DRC11: variants seen among roughly 807,000 people sequenced by gnomAD.
DRC11 encodes dynein regulatory complex subunit 11.
the DRC11 span, among the ~76,000 whole-genome samples, chr2:236,491,801 G>C: frequency 6.6e-6 from 1 of 152,152 alleles, no homozygotes; most frequent in African/African-American, 2.4e-5. Context: ...AGGGCCAGTA[G>C]CTGGGAGCAG....
the DRC11 span, among the ~76,000 whole-genome samples, chr2:236,425,048 T>C: frequency 6.6e-6 from 1 of 152,024 alleles, no homozygotes; most frequent in Non-Finnish European, 1.5e-5. Context: ...TACATTATGT[T>C]TATCCGTTCA....
chr2:236,333,320 C>T, the DRC11 span: 4 of 152,338 alleles, frequency 2.6e-5, no homozygotes, highest in South Asian at 2.1e-4. This position sits in a 1 kb window ranked among gnomAD's most constrained non-coding sequence, Gnocchi z 6.0. Context: ...GGATGGCAGC[C>T]GGTGAAGATT....
the DRC11 span, among the ~76,000 whole-genome samples, chr2:236,442,281 C>G: frequency 2.6e-5 from 4 of 152,044 alleles, no homozygotes; most frequent in Admixed American, 2.0e-4. Flanking sequence ...CTTTTCAAGT[C>G]TCTTTTGTGT....
the DRC11 span, among the ~76,000 whole-genome samples, chr2:236,378,620 A>G: frequency 6.6e-6 from 1 of 150,744 alleles, no homozygotes; most frequent in Non-Finnish European, 1.5e-5. Context: ...GGTTGCAGTG[A>G]GCTGAGATGG....
the DRC11 span, among the ~76,000 whole-genome samples, chr2:236,495,569 T>C: frequency 5.3e-5 from 8 of 152,044 alleles, no homozygotes; most frequent in Non-Finnish European, 1.2e-4. The surrounding 1 kb of genome is among the most constrained non-coding windows in gnomAD (Gnocchi z 5.6). Context: ...GGTGGGCCCA[T>C]TAGGAAAGGT....
chr2:236,317,761 CA>C, the DRC11 span, among the ~76,000 whole-genome samples: 4 of 152,198 alleles, frequency 2.6e-5, no homozygotes, highest in African/African-American at 7.2e-5. This position sits in a 1 kb window ranked among gnomAD's most constrained non-coding sequence, Gnocchi z 5.4. Context: ...ATGGCGTTTT[CA>C]GGCACAATGA....
At chr2:236,331,521 G>A in the DRC11 span, 1 of 1,613,998 alleles carries the variant, frequency 6.2e-7, no homozygotes, top group Non-Finnish European at 8.5e-7. This position sits in a 1 kb window ranked among gnomAD's most constrained non-coding sequence, Gnocchi z 4.8. Context: ...AGCCGTCAGT[G>A]ACCTTCGCCA....
the DRC11 span, among the ~76,000 whole-genome samples, chr2:236,322,229 C>CTTTTTTTTTTTTTTTTTTTTTT: frequency 1.0e-5 from 1 of 98,544 alleles, no homozygotes; most frequent in Admixed American, 1.1e-4. Context: ...TTTCTTTCCT[C>CTTTTTTTTTTTTTTTTTTTTTT]TTTTTTTTTT....
At chr2:236,418,880 C>T in the DRC11 span, among the ~76,000 whole-genome samples, 1 of 152,182 alleles carries the variant, frequency 6.6e-6, no homozygotes, top group Non-Finnish European at 1.5e-5. Flanking sequence ...AAACTCAAAG[C>T]TATCACGTAT....
chr2:236,497,635 A>C, the DRC11 span: 1 of 611,606 alleles, frequency 1.6e-6, no homozygotes, highest in Non-Finnish European at 2.8e-6. This position sits in a 1 kb window ranked among gnomAD's most constrained non-coding sequence, Gnocchi z 5.1. Context: ...TTGATAGACA[A>C]TTTATATCCT....
chr2:236,449,452 T>TCAGG, the DRC11 span, among the ~76,000 whole-genome samples: 1 of 152,190 alleles, frequency 6.6e-6, no homozygotes, highest in East Asian at 1.9e-4. This position sits in a 1 kb window ranked among gnomAD's most constrained non-coding sequence, Gnocchi z 5.1. Context: ...GCCGAGTGAC[T>TCAGG]CAGGCCGTGT....
chr2:236,359,953 A>T, the DRC11 span, among the ~76,000 whole-genome samples: 1 of 152,094 alleles, frequency 6.6e-6, no homozygotes, highest in African/African-American at 2.4e-5. This position sits in a 1 kb window ranked among gnomAD's most constrained non-coding sequence, Gnocchi z 4.3. Flanking sequence ...CATTTTAATA[A>T]TTTTTGACAC....
the DRC11 span, among the ~76,000 whole-genome samples, chr2:236,450,518 C>T: frequency 2.0e-5 from 3 of 151,736 alleles, no homozygotes; most frequent in African/African-American, 7.3e-5. Context: ...CGGGGTTTTA[C>T]CATGTTGGTC....
chr2:236,503,250 C>T, the DRC11 span, among the ~76,000 whole-genome samples: 15,636 of 152,154 alleles, frequency 0.1, 1,857 homozygotes, highest in African/African-American at 0.28. The surrounding 1 kb of genome is among the most constrained non-coding windows in gnomAD (Gnocchi z 4.9). Flanking sequence ...CAAGAGATCT[C>T]GGGTTGAAGA....
the DRC11 span, among the ~76,000 whole-genome samples, chr2:236,394,572 A>C: frequency 6.6e-6 from 1 of 152,008 alleles, no homozygotes. The surrounding 1 kb of genome is among the most constrained non-coding windows in gnomAD (Gnocchi z 7.0). Context: ...TGGAGGTTGC[A>C]GTGAGCTGAG....
the DRC11 span, among the ~76,000 whole-genome samples, chr2:236,361,058 T>C: frequency 0.011 from 1,674 of 152,080 alleles, 30 homozygotes; most frequent in African/African-American, 0.038. The surrounding 1 kb of genome is among the most constrained non-coding windows in gnomAD (Gnocchi z 5.7). Flanking sequence ...CAAATAGAAA[T>C]AGGCCCCATG....
At chr2:236,472,560 G>A in the DRC11 span, among the ~76,000 whole-genome samples, 2 of 152,120 alleles carry the variant, frequency 1.3e-5, no homozygotes, top group Non-Finnish European at 2.9e-5. This position sits in a 1 kb window ranked among gnomAD's most constrained non-coding sequence, Gnocchi z 4.6. Context: ...TATAGTTGTT[G>A]ATAGTTTTCC....
At chr2:236,408,402 C>T in the DRC11 span, 1 of 741,260 alleles carries the variant, frequency 1.3e-6, no homozygotes, top group South Asian at 1.4e-5. The surrounding 1 kb of genome is among the most constrained non-coding windows in gnomAD (Gnocchi z 5.5). Flanking sequence ...AGTCTTTGCC[C>T]TTGGTCACCT....
the DRC11 span, among the ~76,000 whole-genome samples, chr2:236,357,079 A>C: frequency 8.1e-6 from 1 of 123,154 alleles, no homozygotes; most frequent in Non-Finnish European, 1.6e-5. Flanking sequence ...TATATTATAT[A>C]TCTATATATT....
Sources: gnomAD v4.1 joint callset for allele counts (sites outside exome capture counted in the v4.1 genomes callset) on GRCh38, gnomAD v4.1.1 for gene constraint, Gnocchi (gnomAD v3.1) non-coding constraint, MANE v1.5 for transcripts, NCBI Gene and HGNC (gene_info 2026-07-23, HGNC 2026-07-21) for gene names.